ROBO1: variants seen among roughly 807,000 people sequenced by gnomAD.
ROBO1 encodes roundabout homolog 1.
ROBO1 carries 149 observed loss-of-function variants against 195.9 expected under a neutral mutation model. The ratio of observed to expected loss-of-function variants is 0.76; its 90% CI spans 0.67 to 0.87. The LOEUF (loss-of-function observed/expected upper bound fraction) is 0.87, where lower values mean the gene tolerates loss of function less well. Ranked by LOEUF, ROBO1 falls within the 40% of genes least tolerant of loss-of-function variation. The probability of loss-of-function intolerance (pLI) is 0.00; values close to 1 mark genes in which losing one functional copy is unlikely to be tolerated. For synonymous variants in ROBO1, 816 were observed against 733.2 expected (o/e 1.11, Z -1.82); for missense variants, 1,933 against 2,068.3 (o/e 0.93, Z 1.27).
At chr3:79,197,817 G>A (rs1235832301) in intron 2 of ROBO1, among the ~76,000 whole-genome samples, 2 of 151,218 alleles carry the variant, frequency 1.3e-5, no homozygotes, top group Non-Finnish European at 3.0e-5. Flanking sequence ...TCATAAGTTT[G>A]TTGGCTGCAT....
chr3:79,735,896 A>C lies in ROBO1; in HGVS notation c.-51+31856T>G, dbSNP rs567293239. ...AAAAAAAAAAAAAAAACAAAAAAAAAACAAAAAATGCCTGACACTGCCTCA... is the reference window on the plus strand; with the variant it reads ...AAAAAAAAAAAAAAAACAAAAAAAACACAAAAAATGCCTGACACTGCCTCA... On this transcript the variant is annotated intron_variant, in intron 1 of 30. Coordinates refer to ENST00000464233, the MANE Select transcript of ROBO1 (RefSeq NM_002941.4). Among the ~76,000 whole-genome samples, 17 of 144,456 alleles carry C rather than the reference A, an allele frequency of 1.2e-4. No homozygotes were observed. In the East Asian group the frequency reaches 2.0e-3, roughly 17 times the overall value. 94.8% of individuals were successfully genotyped at this position (144,456 alleles called of 152,430 possible). A position where few individuals can be genotyped will look rare whatever the true frequency, so the allele number is the denominator to read the frequency against.
intron 2 of ROBO1, among the ~76,000 whole-genome samples, chr3:79,545,439 T>G (rs955308269): frequency 1.3e-5 from 2 of 152,176 alleles, no homozygotes; most frequent in African/African-American, 2.4e-5. Flanking sequence ...ATGACCATTC[T>G]TGCTAACCTT....
chr3:79,212,827 A>T (rs1172606740), intron 2 of ROBO1, among the ~76,000 whole-genome samples: 2 of 148,558 alleles, frequency 1.3e-5, no homozygotes, highest in African/African-American at 5.2e-5. Context: ...CTCAGAAAAA[A>T]TAAAATAAAA....
At chr3:78,655,833 T>G (rs1575852395) in intron 18 of ROBO1, among the ~76,000 whole-genome samples, 1 of 152,336 alleles carries the variant, frequency 6.6e-6, no homozygotes, top group East Asian at 1.9e-4. Flanking sequence ...ATTGTAATAT[T>G]AATAACATAT....
intron 4 of ROBO1, among the ~76,000 whole-genome samples, chr3:78,815,077 T>C (rs2084858344): frequency 6.6e-6 from 1 of 152,162 alleles, no homozygotes; most frequent in African/African-American, 2.4e-5. Flanking sequence ...TTCAGACTGT[T>C]CTACCAGCTG....
At chr3:79,587,599 A>G (rs953014678) in intron 2 of ROBO1, among the ~76,000 whole-genome samples, 2 of 151,776 alleles carry the variant, frequency 1.3e-5, no homozygotes, top group Admixed American at 6.6e-5. Context: ...AAGAGTGGAA[A>G]AAATCAGTTG....
intron 2 of ROBO1, among the ~76,000 whole-genome samples, chr3:79,294,690 A>C (rs1011374324): frequency 6.6e-6 from 1 of 152,280 alleles, no homozygotes; most frequent in East Asian, 1.9e-4. Flanking sequence ...AAATTTTTGC[A>C]ATCTATCCAT....
chr3:78,899,556 C>T (rs193300198), intron 4 of ROBO1, among the ~76,000 whole-genome samples: 313 of 152,036 alleles, frequency 2.1e-3, no homozygotes, highest in African/African-American at 7.3e-3. Context: ...GTTTGCTGTT[C>T]AATCAAAATT....
intron 4 of ROBO1, among the ~76,000 whole-genome samples, chr3:78,822,794 A>G (rs541454143): frequency 5.3e-5 from 8 of 152,238 alleles, no homozygotes; most frequent in Non-Finnish European, 8.8e-5. Flanking sequence ...ATATTTTCCA[A>G]TGATTGAAAA....
At chr3:79,118,169 G>A (rs958761729) in intron 3 of ROBO1, among the ~76,000 whole-genome samples, 8 of 151,754 alleles carry the variant, frequency 5.3e-5, no homozygotes, top group South Asian at 2.1e-4. Context: ...AAAGCCAGTC[G>A]TCCGCAGTCA....
chr3:79,083,081 C>T (rs2079304168), intron 3 of ROBO1, among the ~76,000 whole-genome samples: 1 of 151,984 alleles, frequency 6.6e-6, no homozygotes, highest in African/African-American at 2.4e-5. Flanking sequence ...CCTGTAGTCC[C>T]AGCTAGTCGG....
At chr3:79,502,507 C>G (rs996117451) in intron 2 of ROBO1, among the ~76,000 whole-genome samples, 3 of 152,102 alleles carry the variant, frequency 2.0e-5, no homozygotes, top group Non-Finnish European at 4.4e-5. Context: ...CCCTTCCCCA[C>G]CGCCATGGGC....
intron 2 of ROBO1, among the ~76,000 whole-genome samples, chr3:79,279,075 A>G (rs186698886): frequency 3.3e-5 from 5 of 152,092 alleles, no homozygotes; most frequent in Non-Finnish European, 7.4e-5. Context: ...GGAGTTTGAG[A>G]CTAGCCTGGC....
chr3:79,551,916 A>T (rs1451076096), intron 2 of ROBO1, among the ~76,000 whole-genome samples: 3 of 140,042 alleles, frequency 2.1e-5, no homozygotes, highest in Non-Finnish European at 4.6e-5. Context: ...TTGCACTTTA[A>T]GGATGACAGT....
intron 2 of ROBO1, among the ~76,000 whole-genome samples, chr3:79,166,977 T>C (rs895442820): frequency 6.6e-6 from 1 of 152,066 alleles, no homozygotes; most frequent in Non-Finnish European, 1.5e-5. Flanking sequence ...CTATTCACTA[T>C]GCCTGAGGCG....
chr3:79,354,859 A>C (rs1241545555), intron 2 of ROBO1, among the ~76,000 whole-genome samples: 2 of 152,186 alleles, frequency 1.3e-5, no homozygotes, highest in Non-Finnish European at 2.9e-5. Flanking sequence ...GGTCATTAGC[A>C]TATAAATCTT....
chr3:78,823,347 C>A (rs1576236686), intron 4 of ROBO1, among the ~76,000 whole-genome samples: 1 of 152,028 alleles, frequency 6.6e-6, no homozygotes, highest in Non-Finnish European at 1.5e-5. Flanking sequence ...ATTGGACAAG[C>A]AAATATCTGT....
At chr3:78,991,747 C>T (rs1009706025) in intron 3 of ROBO1, among the ~76,000 whole-genome samples, 8 of 152,076 alleles carry the variant, frequency 5.3e-5, no homozygotes, top group African/African-American at 1.9e-4. Flanking sequence ...ATTAACGATA[C>T]AGTTGCTTAT....
rs1707849109 is a variant in ROBO1, at chr3:78,668,223, T to C, written c.1710A>G (p.Thr570=). 1 of 1,613,472 alleles carries C rather than the reference T, an allele frequency of 6.2e-7. No individual in the cohort carries two copies. Among genetic ancestry groups the C allele is most frequent in the Non-Finnish European group, 8.5e-7 (1 of 1,179,514 alleles). The part of the protein sequence containing the change: ...IPSAPSKPEV[T]DVSRNTVTLS... ...ATGTGACTGTATTTCTGCTGACATC[T>C]GTCACTTCAGGTTTTGATGGGGCAC... is the stretch of plus-strand genomic sequence containing the variant. The change falls in exon 13 of 31, where the codon ACA becomes ACG. Residue 570 remains threonine, a synonymous_variant. Coordinates refer to ENST00000464233, the MANE Select transcript of ROBO1 (RefSeq NM_002941.4).
Sources: allele counts gnomAD v4.1 joint callset (sites outside exome capture counted in the v4.1 genomes callset), GRCh38; gene constraint gnomAD v4.1.1; transcripts MANE v1.5; gene names NCBI Gene and HGNC (gene_info 2026-07-23, HGNC 2026-07-21).